VAV1: variants seen among roughly 807,000 people sequenced by gnomAD.
VAV1 encodes the protein proto-oncogene vav.
Under a neutral mutation model 128.1 loss-of-function variants are expected in VAV1, and 33 were observed. The observed-to-expected ratio is 0.26, with a 90% CI of 0.20 to 0.34. VAV1 has a LOEUF of 0.34. VAV1 is among the 10% of genes least tolerant of loss of function. The probability of loss-of-function intolerance (pLI) is 1.00; values close to 1 mark genes in which losing one functional copy is unlikely to be tolerated. For synonymous variants in VAV1, 394 were observed against 409.8 expected, an observed-to-expected ratio of 0.96 and a Z score of 0.47; for missense variants, 715 against 1,093.7, an observed-to-expected ratio of 0.65 and a Z score of 4.88.
At chr19:6,811,870 T>C (rs1381799742) in intron 1 of VAV1, among the ~76,000 whole-genome samples, 1 of 152,218 alleles carries the variant, frequency 6.6e-6, no homozygotes, top group Non-Finnish European at 1.5e-5. Flanking sequence ...ACAATGCATG[T>C]GCTTCTAGTT....
chr19:6,781,721 C>A (rs1599616708), intron 1 of VAV1, among the ~76,000 whole-genome samples: 1 of 151,898 alleles, frequency 6.6e-6, no homozygotes, highest in African/African-American at 2.4e-5. Flanking sequence ...GATTCTCGTG[C>A]CTCAGCCTCA....
chr19:6,820,853 T>A lies in VAV1; in HGVS notation c.321+35T>A, dbSNP rs1971764842. On this transcript the variant is annotated intron_variant, in intron 2 of 26. Coordinates refer to ENST00000602142, the MANE Select transcript of VAV1 (RefSeq NM_005428.4). The surrounding 1 kb of genome is among the most constrained non-coding windows in gnomAD (Gnocchi z 4.4). ...ACACTTGAAGCCCAAAGACTGAGTT[T>A]CAGTTAATTTCTATTGACGTCTACA... The A allele has an allele frequency of 6.3e-7, 1 of 1,592,292 alleles. No individual in the cohort carries two copies. The highest frequency in any genetic ancestry group is 1.3e-5 in the African/African-American group (1 of 74,424).
At chr19:6,807,202 C>T (rs1254479315) in intron 1 of VAV1, among the ~76,000 whole-genome samples, 1 of 152,082 alleles carries the variant, frequency 6.6e-6, no homozygotes, top group Non-Finnish European at 1.5e-5. Flanking sequence ...CCCTTTATTT[C>T]TATTATTATT....
chr19:6,827,449 G>GT (rs1439334424), intron 9 of VAV1, among the ~76,000 whole-genome samples: 3 of 151,722 alleles, frequency 2.0e-5, no homozygotes, highest in Non-Finnish European at 4.4e-5. Flanking sequence ...TAATTTTTGT[G>GT]TTTTTTGCAG....
At chr19:6,810,749 G>A (rs1971496248) in intron 1 of VAV1, among the ~76,000 whole-genome samples, 1 of 152,048 alleles carries the variant, frequency 6.6e-6, no homozygotes, top group African/African-American at 2.4e-5. Context: ...GGATTGGGGA[G>A]TGTTGAAAAT....
chr19:6,850,764 G>A lies in VAV1; in HGVS notation c.2217+7G>A, dbSNP rs1568319410. 11 of 1,613,694 alleles carry A rather than the reference G, an allele frequency of 6.8e-6. No individual in the cohort carries two copies. The highest frequency in any genetic ancestry group is 8.5e-6 in the Non-Finnish European group (10 of 1,179,832). On this transcript the variant is annotated splice_region_variant and intron_variant, in intron 24 of 26. Coordinates refer to ENST00000602142, the MANE Select transcript of VAV1 (RefSeq NM_005428.4). ...GGCTTTCCGGGGGCTTACGGTAAGGGTCAATGTCCGCTCAATCCCAGCTTT... is the reference window on the plus strand; with the variant it reads ...GGCTTTCCGGGGGCTTACGGTAAGGATCAATGTCCGCTCAATCCCAGCTTT...
Position 6,772,769 on chromosome 19 carries a change from C to T in VAV1, c.-39C>T. 1.3e-6 allele frequency: 2 copies of T among 1,595,870 alleles called. No individual in the cohort carries two copies. The highest frequency in any genetic ancestry group is 1.7e-6 in the Non-Finnish European group (2 of 1,171,382). On this transcript the variant is annotated 5_prime_UTR_variant, in exon 1 of 27. Transcript: ENST00000602142. This position sits in a 1 kb window ranked among gnomAD's most constrained non-coding sequence, Gnocchi z 4.8. The stretch of plus-strand genomic sequence containing the variant: ...CGTGCGGGCGGGTGGGTGGTGGAGG[C>T]TGCGAGGGTGCACGGCCGGCCCTGG...
chr19:6,821,854 G>T lies in VAV1; in HGVS notation c.444G>T (p.Gln148His), dbSNP rs1971794705. The T allele has an allele frequency of 1.2e-6, 2 of 1,614,174 alleles. No homozygotes were observed. Among genetic ancestry groups the T allele is most frequent in the Non-Finnish European group, 1.7e-6 (2 of 1,180,004 alleles). Residue 148 changes from glutamine to histidine, a missense_variant, in exon 4 of 27, where the codon CAG (glutamine) becomes CAT (histidine). By Grantham distance (24) the Gln-to-His change is conservative. Transcript: ENST00000602142. ...DEDIYSGLSD[Q>H]IDDTVEEDED... ...ACATCTACAGTGGCCTGTCCGACCA[G>T]ATCGAGTGAGTGCTCAGGCCTGTGG... is the stretch of plus-strand genomic sequence containing the variant.
intron 22 of VAV1, among the ~76,000 whole-genome samples, chr19:6,845,372 G>A (rs976171113): frequency 4.6e-5 from 7 of 152,096 alleles, no homozygotes; most frequent in Non-Finnish European, 7.4e-5. Flanking sequence ...GCAACAGAGC[G>A]AGACTCGGTC....
At chr19:6,838,541 C>T (rs1023039624) in intron 21 of VAV1, among the ~76,000 whole-genome samples, 2 of 151,924 alleles carry the variant, frequency 1.3e-5, no homozygotes, top group African/African-American at 2.4e-5. Context: ...ATCTATTCAC[C>T]GATCATCTCT....
chr19:6,852,277 G>A (rs1199125533), intron 24 of VAV1, among the ~76,000 whole-genome samples: 1 of 152,250 alleles, frequency 6.6e-6, no homozygotes, highest in African/African-American at 2.4e-5. Flanking sequence ...GACTTCCCAA[G>A]GTGCTGAGAT....
At chr19:6,846,559 C>CA (rs558272916) in intron 22 of VAV1, among the ~76,000 whole-genome samples, 4 of 148,632 alleles carry the variant, frequency 2.7e-5, no homozygotes, top group African/African-American at 7.4e-5. Flanking sequence ...GGCACTGTCT[C>CA]AAAAAAAATT....
At chr19:6,840,691 A>T (rs1568314245) in intron 21 of VAV1, among the ~76,000 whole-genome samples, 1 of 148,556 alleles carries the variant, frequency 6.7e-6, no homozygotes, top group East Asian at 2.0e-4. Flanking sequence ...TGCAGACTCG[A>T]CCCCCTAAGC....
chr19:6,834,063 G>T, intron 19 of VAV1, 110 bp downstream of exon 19: 1 of 1,484,108 alleles, frequency 6.7e-7, no homozygotes, highest in Non-Finnish European at 9.3e-7. Flanking sequence ...TGGGCCGGGT[G>T]CAATAGCTCA....
rs1425552862 is a variant in VAV1 at position 6,828,278 on chromosome 19, G to A, written c.1023+107G>A. On this transcript the variant is annotated intron_variant, in intron 10 of 26. Coordinates refer to ENST00000602142, the MANE Select transcript of VAV1 (RefSeq NM_005428.4). The surrounding 1 kb of genome is among the most constrained non-coding windows in gnomAD (Gnocchi z 4.5). ...GGGTTGGGTCTCTAGGACGCTCGGG[G>A]ATGGGTCACTGGGGTCATGTCTCAG... 3.3e-6 allele frequency: 5 copies of A among 1,509,738 alleles called. No homozygotes were observed. Among genetic ancestry groups the A allele is most frequent in the Admixed American group, 1.8e-5 (1 of 54,472 alleles). 93.5% of individuals were successfully genotyped at this position (1,509,738 alleles called of 1,614,324 possible).
At chr19:6,818,571 A>C (rs571922547) in intron 1 of VAV1, among the ~76,000 whole-genome samples, 6 of 152,246 alleles carry the variant, frequency 3.9e-5, no homozygotes, top group Admixed American at 3.9e-4. Context: ...TGTCCCCCCA[A>C]AATTTATACA....
intron 1 of VAV1, among the ~76,000 whole-genome samples, chr19:6,785,802 G>A (rs900564261): frequency 6.6e-6 from 1 of 151,698 alleles, no homozygotes; most frequent in African/African-American, 2.4e-5. Context: ...CAGGATTATA[G>A]GGACGCACCA....
In VAV1 at chr19:6,822,814, A is replaced by G. The variant is rs1599655968; in HGVS notation, c.654+300A>G. ...AATCAAAAATATATAAATATATTAA[A>G]CATATACATAAATAGAAAATATATA... On this transcript the variant is annotated intron_variant, in intron 6 of 26. Transcript: ENST00000602142. This position sits in a 1 kb window ranked among gnomAD's most constrained non-coding sequence, Gnocchi z 5.9. Among the ~76,000 whole-genome samples the G allele has an allele frequency of 6.8e-6, 1 of 147,724 alleles. No individual in the cohort carries two copies. Among genetic ancestry groups the G allele is most frequent in the Non-Finnish European group, 1.5e-5 (1 of 66,968 alleles).
intron 1 of VAV1, among the ~76,000 whole-genome samples, chr19:6,814,668 C>CT (rs1436166179): frequency 0.16 from 11,246 of 70,846 alleles, 833 homozygotes; most frequent in Non-Finnish European, 0.18. Flanking sequence ...TCCTTCCTTC[C>CT]TTCCTTTCTT....
Sources: gnomAD v4.1 joint callset for allele counts (sites outside exome capture counted in the v4.1 genomes callset) on GRCh38, gnomAD v4.1.1 for gene constraint, Gnocchi (gnomAD v3.1) non-coding constraint, MANE v1.5 for transcripts, NCBI Gene and HGNC (gene_info 2026-07-23, HGNC 2026-07-21) for gene names.